Variants in RSRC1 observed in about 807,000 individuals in gnomAD.
RSRC1 encodes the protein serine/Arginine-related protein 53.
RSRC1 carries 39 observed loss-of-function variants against 49.1 expected under a neutral mutation model. That is an observed-to-expected ratio of 0.79 (90% confidence interval 0.61 to 1.04). The LOEUF is 1.04. Ranked by LOEUF, RSRC1 falls within the 50% of genes least tolerant of loss-of-function variation. The pLI is 0.00. For missense variants in RSRC1, 388 were observed against 402.4 expected (o/e 0.96, Z 0.31); for synonymous variants, 143 against 130.8 (o/e 1.09, Z -0.63).
At chr3:158,246,625 C>T (rs953169496) in intron 4 of RSRC1, among the ~76,000 whole-genome samples, 13 of 152,236 alleles carry the variant, frequency 8.5e-5, no homozygotes, top group Admixed American at 7.2e-4. Flanking sequence ...GATTTTATAT[C>T]TTCCTCATTT....
At chr3:158,209,069 G>C (rs548746647) in intron 4 of RSRC1, among the ~76,000 whole-genome samples, 1 of 152,262 alleles carries the variant, frequency 6.6e-6, no homozygotes, top group Non-Finnish European at 1.5e-5. Context: ...TCCTTAAAAG[G>C]GGAATTTGGA....
At chr3:158,174,627 T>C (rs1719092317) in intron 3 of RSRC1, among the ~76,000 whole-genome samples, 1 of 152,016 alleles carries the variant, frequency 6.6e-6, no homozygotes, top group African/African-American at 2.4e-5. Flanking sequence ...ATTACATTAG[T>C]GTGTAATCCT....
At chr3:158,340,762 C>T (rs920427417) in intron 5 of RSRC1, among the ~76,000 whole-genome samples, 22 of 152,162 alleles carry the variant, frequency 1.4e-4, no homozygotes, top group Admixed American at 3.9e-4. Flanking sequence ...AATGTGGAAA[C>T]GACTTTGGAA....
intron 3 of RSRC1, among the ~76,000 whole-genome samples, chr3:158,144,552 G>C (rs555203697): frequency 1.1e-3 from 172 of 152,256 alleles, no homozygotes; most frequent in African/African-American, 4.0e-3. Flanking sequence ...CATTTGGGTT[G>C]GTTCCAAGTC....
chr3:158,387,509 A>C (rs1733030443), intron 6 of RSRC1, among the ~76,000 whole-genome samples: 1 of 152,166 alleles, frequency 6.6e-6, no homozygotes, highest in Non-Finnish European at 1.5e-5. Context: ...AGAATGCATA[A>C]CATAAGTATG....
At chr3:158,158,174 T>C (rs1014876797) in intron 3 of RSRC1, among the ~76,000 whole-genome samples, 3 of 152,224 alleles carry the variant, frequency 2.0e-5, no homozygotes, top group African/African-American at 7.2e-5. Context: ...TAACTAATAC[T>C]TGGTGCATAA....
At chr3:158,510,188 T>C (rs1740079639) in intron 7 of RSRC1, among the ~76,000 whole-genome samples, 1 of 152,228 alleles carries the variant, frequency 6.6e-6, no homozygotes, top group African/African-American at 2.4e-5. Flanking sequence ...TGCAAGGTCA[T>C]TTCCAAGATT....
At chr3:158,327,853 T>A (rs1458828137) in intron 5 of RSRC1, among the ~76,000 whole-genome samples, 2 of 152,164 alleles carry the variant, frequency 1.3e-5, no homozygotes, top group South Asian at 2.1e-4. Context: ...CCCATTATTA[T>A]TGTGTGGGAG....
At chr3:158,379,919 A>G (rs1235810452) in intron 6 of RSRC1, among the ~76,000 whole-genome samples, 1 of 151,290 alleles carries the variant, frequency 6.6e-6, no homozygotes, top group Non-Finnish European at 1.5e-5. Flanking sequence ...TTTTTTTTCA[A>G]TATCTGTCTC....
chr3:158,180,637 T>C lies in RSRC1; in HGVS notation c.321-22435T>C, dbSNP rs1185350517. Reference sequence around the variant, plus strand: ...CTCTAGACCACGTCCAGCTAATTTTTGCATTTTTCAAAAGAGGTGGGGTTT... The same window carrying C: ...CTCTAGACCACGTCCAGCTAATTTTCGCATTTTTCAAAAGAGGTGGGGTTT... On this transcript the variant is annotated intron_variant, in intron 3 of 9. Coordinates refer to ENST00000611884, the MANE Select transcript of RSRC1 (RefSeq NM_001271838.2). Among the ~76,000 whole-genome samples, 3 of 151,412 alleles carry C rather than the reference T, an allele frequency of 2.0e-5. No individual in the cohort carries two copies. The East Asian group carries it at 5.8e-4, about 29-fold the overall frequency.
chr3:158,291,902 G>C (rs898616494), intron 4 of RSRC1, among the ~76,000 whole-genome samples: 2 of 152,102 alleles, frequency 1.3e-5, no homozygotes, highest in Non-Finnish European at 2.9e-5. Flanking sequence ...GAGGACATAA[G>C]CTTTATTATA....
At position 158,402,886 on chromosome 3, in the gene RSRC1, A is replaced by C. The variant is rs1733967793; in HGVS notation, c.583+47978A>C. Among the ~76,000 whole-genome samples the C allele has an allele frequency of 2.6e-5, 4 of 151,990 alleles. No homozygotes were observed. In the South Asian group the frequency reaches 8.3e-4, roughly 31 times the overall value. ...TATGTTATTGATATTTTCTTTAAAGACTTCAGCTAGAGCCAGATGATAAAA... is the reference window on the plus strand; with the variant it reads ...TATGTTATTGATATTTTCTTTAAAGCCTTCAGCTAGAGCCAGATGATAAAA... On this transcript the variant is annotated intron_variant, in intron 6 of 9. Coordinates refer to ENST00000611884, the MANE Select transcript of RSRC1 (RefSeq NM_001271838.2).
intron 7 of RSRC1, among the ~76,000 whole-genome samples, chr3:158,498,383 A>G (rs1302070505): frequency 1.3e-5 from 2 of 152,104 alleles, no homozygotes; most frequent in Admixed American, 1.3e-4. Context: ...TTGTCTATTC[A>G]TGTCCTTAGT....
intron 5 of RSRC1, among the ~76,000 whole-genome samples, chr3:158,331,656 T>G (rs1004053319): frequency 2.4e-4 from 37 of 152,134 alleles, no homozygotes; most frequent in African/African-American, 8.4e-4. Flanking sequence ...AGTTAACAAA[T>G]GATTAAGTAT....
rs889608644 is a variant in RSRC1, at chr3:158,539,995, C to T, written c.759+2797C>T. 5.3e-5 allele frequency among the ~76,000 whole-genome samples: 8 copies of T among 152,130 alleles called. No individual in the cohort carries two copies. Among genetic ancestry groups the T allele is most frequent in the African/African-American group, 1.9e-4 (8 of 41,436 alleles). Reference sequence around the variant, plus strand: ...TAAGGCAGTTTAACATGAAAAGTGTCTCCTAGCTAAGCCCTATCATGCCAT... The same window carrying T: ...TAAGGCAGTTTAACATGAAAAGTGTTTCCTAGCTAAGCCCTATCATGCCAT... On this transcript the variant is annotated intron_variant, in intron 8 of 9. Coordinates refer to ENST00000611884, the MANE Select transcript of RSRC1 (RefSeq NM_001271838.2). This position sits in a 1 kb window ranked among gnomAD's most constrained non-coding sequence, Gnocchi z 4.1.
At chr3:158,221,649 A>G (rs568302179) in intron 4 of RSRC1, among the ~76,000 whole-genome samples, 4 of 151,560 alleles carry the variant, frequency 2.6e-5, no homozygotes, top group African/African-American at 7.2e-5. Flanking sequence ...TTTGTTTTGC[A>G]AGATTTGTAG....
intron 6 of RSRC1, among the ~76,000 whole-genome samples, chr3:158,437,572 A>G (rs542860117): frequency 1.3e-5 from 2 of 152,276 alleles, no homozygotes; most frequent in South Asian, 4.1e-4. Flanking sequence ...CCACATAATT[A>G]TCTCCATAGT....
At chr3:158,119,603 G>T (rs1034860317) in intron 1 of RSRC1, among the ~76,000 whole-genome samples, 2 of 151,590 alleles carry the variant, frequency 1.3e-5, no homozygotes, top group Non-Finnish European at 2.9e-5. Flanking sequence ...TCTTAACATG[G>T]ATATAAGTAT....
chr3:158,137,403 AAT>A (rs10574936), intron 3 of RSRC1, among the ~76,000 whole-genome samples: 106,250 of 149,448 alleles, frequency 0.71, 38,442 homozygotes, highest in African/African-American at 0.83. Flanking sequence ...GACCCAATTA[AAT>A]ATATATATAT....
Sources: gnomAD v4.1 joint callset for allele counts (sites outside exome capture counted in the v4.1 genomes callset) on GRCh38, gnomAD v4.1.1 for gene constraint, Gnocchi (gnomAD v3.1) non-coding constraint, MANE v1.5 for transcripts, NCBI Gene and HGNC (gene_info 2026-07-23, HGNC 2026-07-21) for gene names.